Variants in STX11 observed in about 807,000 individuals in gnomAD.
STX11 encodes the protein syntaxin 11.
STX11 carries 21 observed loss-of-function variants against 19.9 expected under a neutral mutation model. The ratio of observed to expected loss-of-function variants is 1.06; its 90% confidence interval spans 0.75 to 1.52. STX11 has a LOEUF of 1.52. Among genes scored for constraint, STX11 ranks in the 40% most tolerant of loss-of-function variants. STX11 has a pLI of 0.00. For missense variants in STX11, 438 were observed against 405.9 expected, an observed-to-expected ratio of 1.08 and a Z score of -0.68; for synonymous variants, 193 against 174.4, an observed-to-expected ratio of 1.11 and a Z score of -0.84.
At chr6:144,140,242 A>T in the STX11 span, among the ~76,000 whole-genome samples, 3 of 49,296 alleles carry the variant, frequency 6.1e-5, no homozygotes, top group African/African-American at 3.2e-4. Context: ...ATATATATAT[A>T]TATATATATA....
intron 1 of STX11, among the ~76,000 whole-genome samples, chr6:144,161,658 G>A (rs1299947308): frequency 2.0e-5 from 3 of 152,070 alleles, no homozygotes; most frequent in African/African-American, 4.8e-5. Context: ...ATGAGCCACC[G>A]CACCCGGCCG....
At position 144,177,142 on chromosome 6, in the gene STX11, T is replaced by G. The variant is rs1801796786; in HGVS notation, c.-5-9481T>G. ...AAAGGTCATTGATGATTCTGGAAACTCCATGGATTTCTCCCTTTCAAAGAT... is the reference window on the plus strand; with the variant it reads ...AAAGGTCATTGATGATTCTGGAAACGCCATGGATTTCTCCCTTTCAAAGAT... On this transcript the variant is annotated intron_variant, in intron 1 of 1. Coordinates refer to ENST00000367568, the MANE Select transcript of STX11 (RefSeq NM_003764.4). This position sits in a 1 kb window ranked among gnomAD's most constrained non-coding sequence, Gnocchi z 4.4. Among the ~76,000 whole-genome samples the G allele has an allele frequency of 6.6e-6, 1 of 152,246 alleles. No homozygotes were observed. The highest frequency in any genetic ancestry group is 2.1e-4 in the South Asian group (1 of 4,832).
At position 144,175,452 on chromosome 6, in the gene STX11, A is replaced by T. The variant is rs995613986; in HGVS notation, c.-5-11171A>T. 9.2e-5 allele frequency among the ~76,000 whole-genome samples: 14 copies of T among 152,080 alleles called. No individual in the cohort carries two copies. The highest frequency in any genetic ancestry group is 3.4e-4 in the African/African-American group (14 of 41,410). ...CTCCCGAGTAGCTGGGACTACAGGT[A>T]TATGCCACCACGCCCAGCTGATTTT... On this transcript the variant is annotated intron_variant, in intron 1 of 1. Transcript: ENST00000367568. The surrounding 1 kb of genome is among the most constrained non-coding windows in gnomAD (Gnocchi z 5.1).
Position 144,151,137 on chromosome 6 carries a change from A to T in STX11, c.-6+434A>T. The T allele has an allele frequency of 3.0e-6, 2 of 663,718 alleles. No individual in the cohort carries two copies. Among genetic ancestry groups the T allele is most frequent in the Non-Finnish European group, 3.7e-6 (2 of 536,316 alleles). 41.1% of individuals were successfully genotyped at this position (663,718 alleles called of 1,614,324 possible). The stretch of plus-strand genomic sequence containing the variant: ...AAAACACCAGAATGGGTACTTCTTG[A>T]CTTGAACTTGGCGGTGTCACTCAGT... On this transcript the variant is annotated intron_variant, in intron 1 of 1. Coordinates refer to ENST00000367568, the MANE Select transcript of STX11 (RefSeq NM_003764.4). The surrounding 1 kb of genome is among the most constrained non-coding windows in gnomAD (Gnocchi z 4.6).
chr6:144,183,273 C>A lies in STX11; in HGVS notation c.-5-3350C>A, dbSNP rs1198967739. ...CTCCATAACTACTTTTTATGCCTAACAGAGTATATATGCTTTTCATGCCAT... is the reference window on the plus strand; with the variant it reads ...CTCCATAACTACTTTTTATGCCTAAAAGAGTATATATGCTTTTCATGCCAT... On this transcript the variant is annotated intron_variant, in intron 1 of 1. Transcript: ENST00000367568. This position sits in a 1 kb window ranked among gnomAD's most constrained non-coding sequence, Gnocchi z 4.6. Among the ~76,000 whole-genome samples, 1 of 152,218 alleles carries A rather than the reference C, an allele frequency of 6.6e-6. No homozygotes were observed. The highest frequency in any genetic ancestry group is 2.4e-5 in the African/African-American group (1 of 41,444).
the STX11 span, among the ~76,000 whole-genome samples, chr6:144,139,979 C>A: frequency 3.6e-4 from 55 of 151,840 alleles, no homozygotes; most frequent in South Asian, 1.9e-3. Flanking sequence ...CTGCTTTCAA[C>A]ACCCTGAGTG....
At chr6:144,164,865 T>G (rs1435471612) in intron 1 of STX11, among the ~76,000 whole-genome samples, 2 of 151,990 alleles carry the variant, frequency 1.3e-5, no homozygotes, top group Non-Finnish European at 2.9e-5. Flanking sequence ...GGGTAATTTT[T>G]TTTTTATTTT....
At position 144,154,041 on chromosome 6, in the gene STX11, T is replaced by A. The variant is rs1453453928; in HGVS notation, c.-6+3338T>A. Among the ~76,000 whole-genome samples, 1 of 152,242 alleles carries A rather than the reference T, an allele frequency of 6.6e-6. No homozygotes were observed. Among genetic ancestry groups the A allele is most frequent in the African/African-American group, 2.4e-5 (1 of 41,460 alleles). On this transcript the variant is annotated intron_variant, in intron 1 of 1. Coordinates refer to ENST00000367568, the MANE Select transcript of STX11 (RefSeq NM_003764.4). The surrounding 1 kb of genome is among the most constrained non-coding windows in gnomAD (Gnocchi z 4.7). ...GACTCACTATGTGCGTTAAGCCTTT[T>A]ACTCGTCAGTACAATCCTGTGAGAT...
At chr6:144,145,515 G>T in the STX11 span, among the ~76,000 whole-genome samples, 5 of 152,184 alleles carry the variant, frequency 3.3e-5, no homozygotes, top group African/African-American at 1.2e-4. Flanking sequence ...GTTCAACAGT[G>T]GATGAATGGA....
chr6:144,140,050 AG>A, the STX11 span, among the ~76,000 whole-genome samples: 1 of 151,454 alleles, frequency 6.6e-6, no homozygotes, highest in East Asian at 1.9e-4. Context: ...ACACAAGGAA[AG>A]GAGCGAGGGA....
chr6:144,157,204 G>A (rs529626259), intron 1 of STX11, among the ~76,000 whole-genome samples: 290 of 152,332 alleles, frequency 1.9e-3, no homozygotes, highest in African/African-American at 6.8e-3. Flanking sequence ...CAGGGGGAGA[G>A]ACTGAACTGT....
intron 1 of STX11, among the ~76,000 whole-genome samples, chr6:144,161,871 C>G (rs1321092574): frequency 2.6e-5 from 4 of 152,108 alleles, no homozygotes; most frequent in African/African-American, 9.7e-5. Flanking sequence ...CCTCTAAGCT[C>G]CTTATCTTTA....
upstream of STX11, among the ~76,000 whole-genome samples, chr6:144,147,950 C>G (rs1041009844): frequency 1.1e-4 from 16 of 152,010 alleles, no homozygotes; most frequent in Non-Finnish European, 2.1e-4. This position sits in a 1 kb window ranked among gnomAD's most constrained non-coding sequence, Gnocchi z 4.2. Context: ...ACAGACACAC[C>G]CAGGATAATG....
In STX11 at chr6:144,152,552, T is replaced by A. The variant is rs1195342626; in HGVS notation, c.-6+1849T>A. Among the ~76,000 whole-genome samples the A allele has an allele frequency of 6.6e-6, 1 of 152,236 alleles. No homozygotes were observed. Among genetic ancestry groups the A allele is most frequent in the Non-Finnish European group, 1.5e-5 (1 of 68,036 alleles). ...CCATGTAAAACGAAATTCAGCTGAT[T>A]ATCACCCCTGGACAATTGCAGTCAC... On this transcript the variant is annotated intron_variant, in intron 1 of 1. Coordinates refer to ENST00000367568, the MANE Select transcript of STX11 (RefSeq NM_003764.4). The surrounding 1 kb of genome is among the most constrained non-coding windows in gnomAD (Gnocchi z 4.9).
Position 144,187,021 on chromosome 6 carries a change from T to A in STX11, c.394T>A (p.Tyr132Asn), listed in dbSNP as rs1802063743. The part of the protein sequence containing the change: ...SAVARISRAQ[Y>N]NALTLTFQRA... The stretch of plus-strand genomic sequence containing the variant: ...AGTGGCGCGCATTTCGCGGGCGCAG[T>A]ACAACGCGCTCACCCTCACCTTCCA... The change falls in exon 2 of 2, where the codon TAC becomes AAC. Residue 132 changes from tyrosine (Y) to asparagine (N), a missense_variant. By Grantham distance (143) the Tyr-to-Asn change is moderately radical. Transcript: ENST00000367568. This position sits in a 1 kb window ranked among gnomAD's most constrained non-coding sequence, Gnocchi z 5.6. 1 of 1,611,796 alleles carries A rather than the reference T, an allele frequency of 6.2e-7. No individual in the cohort carries two copies. Among genetic ancestry groups the A allele is most frequent in the Non-Finnish European group, 8.5e-7 (1 of 1,179,858 alleles).
In STX11 at chr6:144,187,516, C is replaced by T. The variant is rs770363236; in HGVS notation, c.*25C>T. ...GCAGGCCGGCCCGGGCCGCCACCGC[C>T]CATCCCAGACCATGGAGCGCGCTGG... is the stretch of plus-strand genomic sequence containing the variant. On this transcript the variant is annotated 3_prime_UTR_variant, in exon 2 of 2. Coordinates refer to ENST00000367568, the MANE Select transcript of STX11 (RefSeq NM_003764.4). This position sits in a 1 kb window ranked among gnomAD's most constrained non-coding sequence, Gnocchi z 5.6. The T allele has an allele frequency of 1.2e-6, 2 of 1,611,606 alleles. No homozygotes were observed. Among genetic ancestry groups the T allele is most frequent in the Admixed American group, 1.7e-5 (1 of 59,980 alleles).
In STX11 at chr6:144,167,073, G is replaced by A. The variant is rs1213592182; in HGVS notation, c.-6+16370G>A. ...AACAAACTAAATTTCACAGTAACAG[G>A]ATTGGTTCTTCTGAACACTGTCTCT... is the stretch of plus-strand genomic sequence containing the variant. On this transcript the variant is annotated intron_variant, in intron 1 of 1. Coordinates refer to ENST00000367568, the MANE Select transcript of STX11 (RefSeq NM_003764.4). The surrounding 1 kb of genome is among the most constrained non-coding windows in gnomAD (Gnocchi z 5.0). Among the ~76,000 whole-genome samples the A allele has an allele frequency of 6.6e-6, 1 of 152,182 alleles. No homozygotes were observed. The highest frequency in any genetic ancestry group is 2.4e-5 in the African/African-American group (1 of 41,438).
intron 1 of STX11, among the ~76,000 whole-genome samples, chr6:144,168,149 G>A (rs1801530979): frequency 6.6e-6 from 1 of 152,208 alleles, no homozygotes; most frequent in Non-Finnish European, 1.5e-5. Flanking sequence ...TTGTAGGTGA[G>A]AAGAAACATC....
upstream of STX11, among the ~76,000 whole-genome samples, chr6:144,147,940 A>AC (rs1377445651): frequency 6.6e-6 from 1 of 152,166 alleles, no homozygotes; most frequent in Non-Finnish European, 1.5e-5. This position sits in a 1 kb window ranked among gnomAD's most constrained non-coding sequence, Gnocchi z 4.2. Flanking sequence ...AAGCACCCTC[A>AC]CAGACACACC....
Sources: gnomAD v4.1 joint callset for allele counts (sites outside exome capture counted in the v4.1 genomes callset) on GRCh38, gnomAD v4.1.1 for gene constraint, Gnocchi (gnomAD v3.1) non-coding constraint, MANE v1.5 for transcripts, NCBI Gene and HGNC (gene_info 2026-07-23, HGNC 2026-07-21) for gene names.